The following ARB2A variants were observed in gnomAD, a reference collection of about 807,000 sequenced individuals.
ARB2A encodes cotranscriptional regulator ARB2A.
the ARB2A span, among the ~76,000 whole-genome samples, chr5:93,835,469 C>T: frequency 1.3e-5 from 2 of 152,166 alleles, no homozygotes; most frequent in Admixed American, 6.5e-5. Context: ...ATAATATACA[C>T]TTTAAACTTA....
At chr5:94,020,882 G>A in the ARB2A span, among the ~76,000 whole-genome samples, 2 of 152,068 alleles carry the variant, frequency 1.3e-5, no homozygotes, top group Non-Finnish European at 2.9e-5. Flanking sequence ...TGACTGCTGG[G>A]ATTTTAGACA....
At chr5:93,804,804 C>G in the ARB2A span, 12 of 535,060 alleles carry the variant, frequency 2.2e-5, no homozygotes, top group Non-Finnish European at 2.9e-5. Context: ...CAAAGTATAT[C>G]TTTAGTAATC....
the ARB2A span, among the ~76,000 whole-genome samples, chr5:93,623,255 C>CAAA: frequency 2.7e-4 from 33 of 123,560 alleles, no homozygotes; most frequent in Non-Finnish European, 4.4e-4. Context: ...TACAATAAGC[C>CAAA]AAAAAAAAAA....
the ARB2A span, among the ~76,000 whole-genome samples, chr5:93,674,748 T>C: frequency 1.3e-5 from 2 of 152,238 alleles, no homozygotes; most frequent in Non-Finnish European, 2.9e-5. Flanking sequence ...ATTATGCTTG[T>C]AGTGTGCTAT....
chr5:93,845,426 T>C, the ARB2A span, among the ~76,000 whole-genome samples: 3 of 152,260 alleles, frequency 2.0e-5, no homozygotes, highest in Admixed American at 6.5e-5. Flanking sequence ...AGGATTTTTC[T>C]TAGAAGCTTG....
the ARB2A span, among the ~76,000 whole-genome samples, chr5:93,698,669 G>A: frequency 2.0e-5 from 3 of 152,132 alleles, no homozygotes; most frequent in Admixed American, 6.6e-5. Context: ...TAATTTAATC[G>A]AAGCAAAATT....
chr5:93,623,371 C>A, the ARB2A span, among the ~76,000 whole-genome samples: 2 of 152,132 alleles, frequency 1.3e-5, no homozygotes, highest in African/African-American at 4.8e-5. Context: ...GTTACTAAGG[C>A]TATGATCAAT....
the ARB2A span, among the ~76,000 whole-genome samples, chr5:93,630,179 T>C: frequency 2.0e-5 from 3 of 152,090 alleles, no homozygotes; most frequent in Admixed American, 1.3e-4. Context: ...AAAAATGAAA[T>C]ATACAGTTAC....
At chr5:93,931,648 T>C in the ARB2A span, among the ~76,000 whole-genome samples, 32 of 151,994 alleles carry the variant, frequency 2.1e-4, no homozygotes, top group African/African-American at 7.5e-4. Context: ...ATTACACACA[T>C]ACAGAAAAGT....
the ARB2A span, chr5:93,776,394 C>T: frequency 3.3e-5 from 18 of 543,266 alleles, no homozygotes; most frequent in African/African-American, 1.8e-4. Flanking sequence ...TGTAAACAGT[C>T]GGTAATTATT....
the ARB2A span, among the ~76,000 whole-genome samples, chr5:93,961,897 G>A: frequency 6.6e-6 from 1 of 152,148 alleles, no homozygotes; most frequent in Non-Finnish European, 1.5e-5. Flanking sequence ...TAAGGGGTAA[G>A]AGCAGTATTT....
chr5:93,753,234 T>C, the ARB2A span, among the ~76,000 whole-genome samples: 1 of 152,218 alleles, frequency 6.6e-6, no homozygotes, highest in Admixed American at 6.5e-5. Context: ...AGGCAATTAC[T>C]GTTGATTTTT....
chr5:94,054,526 G>A, the ARB2A span, among the ~76,000 whole-genome samples: 6 of 152,222 alleles, frequency 3.9e-5, no homozygotes, highest in East Asian at 1.2e-3. Context: ...ACAGATCATG[G>A]CAAGGGGAAC....
the ARB2A span, among the ~76,000 whole-genome samples, chr5:93,780,713 C>T: frequency 1.3e-5 from 2 of 152,084 alleles, no homozygotes; most frequent in African/African-American, 2.4e-5. Context: ...GCGCCTGCCA[C>T]CACGCCTGGC....
the ARB2A span, among the ~76,000 whole-genome samples, chr5:94,012,856 G>A: frequency 1.3e-5 from 2 of 152,168 alleles, no homozygotes; most frequent in African/African-American, 4.8e-5. Flanking sequence ...AGCATCAAGC[G>A]CAAATCTGTC....
At chr5:93,793,882 C>A in the ARB2A span, among the ~76,000 whole-genome samples, 2 of 152,134 alleles carry the variant, frequency 1.3e-5, no homozygotes, top group African/African-American at 4.8e-5. Flanking sequence ...CCAAAATGGC[C>A]CTTCAGAGTT....
the ARB2A span, among the ~76,000 whole-genome samples, chr5:93,965,274 T>A: frequency 6.6e-6 from 1 of 152,066 alleles, no homozygotes; most frequent in African/African-American, 2.4e-5. Flanking sequence ...GCCAAGAAAT[T>A]TGGTAGCTTT....
At chr5:93,719,090 T>C in the ARB2A span, among the ~76,000 whole-genome samples, 1 of 152,194 alleles carries the variant, frequency 6.6e-6, no homozygotes, top group Non-Finnish European at 1.5e-5. Flanking sequence ...TCCTTCATTT[T>C]TGCAGCATCA....
the ARB2A span, among the ~76,000 whole-genome samples, chr5:94,041,700 T>C: frequency 6.6e-6 from 1 of 152,188 alleles, no homozygotes; most frequent in African/African-American, 2.4e-5. Context: ...AGGACAGATA[T>C]TAAGTTTCCT....
Sources: gnomAD v4.1 joint callset for allele counts (sites outside exome capture counted in the v4.1 genomes callset) on GRCh38, gnomAD v4.1.1 for gene constraint, MANE v1.5 for transcripts, NCBI Gene and HGNC (gene_info 2026-07-23, HGNC 2026-07-21) for gene names.